The following NLRP1 variants were observed in gnomAD, a reference collection of about 807,000 sequenced individuals.
The protein encoded by NLRP1 is NLR family pyrin domain containing 1.
NLRP1 carries 94 observed loss-of-function variants against 136.7 expected under a neutral mutation model. The ratio of observed to expected loss-of-function variants is 0.69; its 90% CI spans 0.58 to 0.82. The LOEUF (loss-of-function observed/expected upper bound fraction) is 0.82. Among genes scored for constraint, NLRP1 ranks in the 40% least tolerant of loss-of-function variants. The pLI, the probability that NLRP1 is intolerant of heterozygous loss-of-function variation, is 0.00. For missense variants in NLRP1, 1,575 were observed against 1,802.7 expected (o/e 0.87, Z 2.29); for synonymous variants, 690 against 725.1 (o/e 0.95, Z 0.78).
intron 12 of NLRP1, among the ~76,000 whole-genome samples, chr17:5,525,924 A>T (rs1279319499): frequency 6.6e-6 from 1 of 152,108 alleles, no homozygotes; most frequent in East Asian, 1.9e-4. Flanking sequence ...TTCCTCAAAC[A>T]ACTCGGCCCA....
rs201494607 is a variant in NLRP1 at position 5,539,453 on chromosome 17, C to T, written c.2832G>A (p.Glu944=). The change falls in exon 7 of 17, where the codon GAG becomes GAA. Residue 944 remains glutamate, a synonymous_variant. Coordinates refer to ENST00000572272, the MANE Select transcript of NLRP1 (RefSeq NM_033004.4). ...GTTTGCAGGCAGGATGCCTGAGCCCCTCACAGAGCAGTCGCACGCCAACGT... is the reference window on the plus strand; with the variant it reads ...GTTTGCAGGCAGGATGCCTGAGCCCTTCACAGAGCAGTCGCACGCCAACGT... ...LDDVGVRLLC[E]GLRHPACKLI... 3 of 1,614,090 alleles carry T rather than the reference C, an allele frequency of 1.9e-6. No individual in the cohort carries two copies. The highest frequency in any genetic ancestry group is 2.2e-5 in the East Asian group (1 of 44,874).
intron 3 of NLRP1, among the ~76,000 whole-genome samples, chr17:5,568,686 A>G (rs1259653330): frequency 2.6e-5 from 4 of 152,152 alleles, no homozygotes; most frequent in Non-Finnish European, 5.9e-5. Flanking sequence ...ATTTATAGGC[A>G]GCCTTTTTGG....
In NLRP1 at chr17:5,514,534, A is replaced by C; in HGVS notation, c.*220T>G. 7.1e-7 allele frequency: 1 copy of C among 1,412,794 alleles called. No homozygotes were observed. The highest frequency in any genetic ancestry group is 9.2e-7 in the Non-Finnish European group (1 of 1,086,286). The allele number at this position is 1,412,794 out of a possible 1,614,324, so 87.5% of individuals were successfully genotyped here. ...TCTGCAGGGGTCTTGCCAGCTCCAG[A>C]TGGACATTCCCTGAGATGCTGTTAG... On this transcript the variant is annotated 3_prime_UTR_variant, in exon 17 of 17. Coordinates refer to ENST00000572272, the MANE Select transcript of NLRP1 (RefSeq NM_033004.4).
In NLRP1 at chr17:5,530,663, G is replaced by A. The variant is rs761505501; in HGVS notation, c.3338C>T (p.Thr1113Met). ...TTCTCTCATCACAAAGCAGAGACCC[G>A]TGTTGGGCCAGCGGTAGGAGCCAGC... ...PVAGSYRWPN[T>M]GLCFVMREAV... The change falls in exon 12 of 17, where the codon ACG becomes ATG. Residue 1113 changes from threonine to methionine, a missense_variant. Transcript: ENST00000572272. 4.4e-5 allele frequency: 71 copies of A among 1,614,084 alleles called. No homozygotes were observed. Among genetic ancestry groups the A allele is most frequent in the Non-Finnish European group, 5.6e-5 (66 of 1,180,034 alleles).
intron 11 of NLRP1, among the ~76,000 whole-genome samples, chr17:5,532,231 A>G (rs984076186): frequency 6.6e-6 from 1 of 152,218 alleles, no homozygotes; most frequent in Non-Finnish European, 1.5e-5. Flanking sequence ...TGAGTGACAG[A>G]GCAAGACTCT....
At chr17:5,509,549 C>T (rs1907518083), downstream of NLRP1, among the ~76,000 whole-genome samples, 1 of 152,192 alleles carries the variant, frequency 6.6e-6, no homozygotes, top group Non-Finnish European at 1.5e-5. Flanking sequence ...CATCAGAGTG[C>T]CTGGTGGAAG....
chr17:5,515,993 A>AT (rs1326331171), intron 15 of NLRP1, among the ~76,000 whole-genome samples: 1 of 152,236 alleles, frequency 6.6e-6, no homozygotes, highest in Non-Finnish European at 1.5e-5. Flanking sequence ...TAGAATCAAG[A>AT]TCAAGCAATC....
rs7226185 is a variant in NLRP1 at position 5,536,599 on chromosome 17, C to T, written c.2960+252G>A. Among the ~76,000 whole-genome samples the T allele has an allele frequency of 0.047, 7,099 of 152,040 alleles. 188 individuals carry two copies. Among genetic ancestry groups the T allele is most frequent in the Middle Eastern group, 0.088 (26 of 294 alleles). ...TTGAGTAGCTGGGACCACAGGCACC[C>T]GCCACCACGCCTGGCTAATTTTTTA... On this transcript the variant is annotated intron_variant, in intron 8 of 16. Transcript: ENST00000572272.
rs773143712 is a variant in NLRP1, at chr17:5,506,523, C to T, written c.4070-4651G>A. Among the ~76,000 whole-genome samples, 12 of 152,256 alleles carry T rather than the reference C, an allele frequency of 7.9e-5. No homozygotes were observed. In the South Asian group the frequency reaches 1.0e-3, roughly 13 times the overall value. ...ATAGCCGAAAGGTGGAAGCAACACA[C>T]GTGTCCATCAACAGATGAACAGATA... is the stretch of plus-strand genomic sequence containing the variant. On this transcript the variant is annotated intron_variant, in intron 15 of 15. Transcript: ENST00000262467.
chr17:5,542,067 C>A, intron 5 of NLRP1, 40 bp from the exon 6 acceptor site: 2 of 1,587,852 alleles, frequency 1.3e-6, no homozygotes, highest in Non-Finnish European at 1.7e-6. Flanking sequence ...GGTTACTCAC[C>A]TGTTGATTCA....
At chr17:5,545,489 C>T in intron 5 of NLRP1, among the ~76,000 whole-genome samples, 1 of 149,318 alleles carries the variant, frequency 6.7e-6, no homozygotes, top group African/African-American at 2.5e-5. Flanking sequence ...CACACACACA[C>T]AGACACACAG....
At chr17:5,530,801 G>C in intron 11 of NLRP1, 97 bp from the exon 12 acceptor site, 3 of 875,198 alleles carry the variant, frequency 3.4e-6, no homozygotes, top group Non-Finnish European at 5.5e-6. Context: ...ATACGGTACA[G>C]TGGCTTCAAG....
chr17:5,551,505 G>A (rs535771840), intron 5 of NLRP1, among the ~76,000 whole-genome samples: 1 of 152,342 alleles, frequency 6.6e-6, no homozygotes, highest in South Asian at 2.1e-4. Context: ...GCAGGTTTTT[G>A]TGTGGACAGA....
chr17:5,555,034 C>T (rs1718052079), intron 4 of NLRP1, among the ~76,000 whole-genome samples: 1 of 151,456 alleles, frequency 6.6e-6, no homozygotes, highest in African/African-American at 2.4e-5. Flanking sequence ...CACACACACA[C>T]ACACACACAC....
chr17:5,528,157 G>C (rs547576989), intron 12 of NLRP1, among the ~76,000 whole-genome samples: 2 of 152,292 alleles, frequency 1.3e-5, no homozygotes, highest in East Asian at 3.9e-4. Context: ...ACAGAGCTGA[G>C]CCCACTGACT....
At chr17:5,521,052 C>A in intron 13 of NLRP1, 40 bp from the exon 14 acceptor site, 1 of 1,556,966 alleles carries the variant, frequency 6.4e-7, no homozygotes, top group Non-Finnish European at 8.7e-7. Flanking sequence ...GAGGCTTCTG[C>A]CCCGTGGAAT....
At chr17:5,545,638 G>GGACAATCACTGTCTTCCTT (rs1912569769) in intron 5 of NLRP1, among the ~76,000 whole-genome samples, 1 of 152,172 alleles carries the variant, frequency 6.6e-6, no homozygotes, top group Non-Finnish European at 1.5e-5. Context: ...ACGTCTCCCT[G>GGACAATCACTGTCTTCCTT]GACAATCACT....
At chr17:5,572,635 G>A (rs34967830) in intron 3 of NLRP1, among the ~76,000 whole-genome samples, 2,840 of 151,156 alleles carry the variant, frequency 0.019, 92 homozygotes, top group African/African-American at 0.065. Context: ...CCTTGAGCCC[G>A]TGAGGTGGAG....
rs960016206 is a variant in NLRP1, at chr17:5,541,735, A to G, written c.2699+122T>C. Reference sequence around the variant, plus strand: ...CCTGAGCCTCTACTGCCTGGCTGAGATCCTGTAGGCTCCTCCCACTCCCAC... The same window carrying G: ...CCTGAGCCTCTACTGCCTGGCTGAGGTCCTGTAGGCTCCTCCCACTCCCAC... On this transcript the variant is annotated intron_variant, in intron 6 of 16. Coordinates refer to ENST00000572272, the MANE Select transcript of NLRP1 (RefSeq NM_033004.4). This position sits in a 1 kb window ranked among gnomAD's most constrained non-coding sequence, Gnocchi z 4.2. 2.1e-6 allele frequency: 2 copies of G among 973,116 alleles called. No individual in the cohort carries two copies. The highest frequency in any genetic ancestry group is 2.5e-5 in the East Asian group (1 of 40,628). 60.3% of individuals were successfully genotyped at this position (973,116 alleles called of 1,614,324 possible).
Sources: gnomAD v4.1 joint callset for allele counts (sites outside exome capture counted in the v4.1 genomes callset) on GRCh38, gnomAD v4.1.1 for gene constraint, Gnocchi (gnomAD v3.1) non-coding constraint, MANE v1.5 for transcripts, NCBI Gene and HGNC (gene_info 2026-07-23, HGNC 2026-07-21) for gene names.